Variants in DMD observed in about 807,000 individuals in gnomAD.
DMD encodes the protein dystrophin, also known as mutant dystrophin.
In DMD, 63 loss-of-function variants were observed where a neutral mutation model predicts 330.1. The observed-to-expected ratio is 0.19, with a 90% CI of 0.16 to 0.24. The LOEUF (loss-of-function observed/expected upper bound fraction) is 0.24, where lower values mean the gene tolerates loss of function less well. Among genes scored for constraint, DMD ranks in the 10% least tolerant of loss-of-function variants. DMD has a pLI of 1.00. For synonymous variants in DMD, 1,223 were observed against 959.8 expected, an observed-to-expected ratio of 1.27 and a Z score of -5.07; for missense variants, 3,344 against 2,684.1, an observed-to-expected ratio of 1.25 and a Z score of -5.43.
chrX:32,821,923 G>A (rs953152104), intron 5 of DMD, among the ~76,000 whole-genome samples: 3 of 110,715 alleles, frequency 2.7e-5, no homozygotes, highest in Non-Finnish European at 5.7e-5. Context: ...TTTAATGAAC[G>A]TGGTGGGGGG....
At chrX:32,581,261 A>C (rs2053626300) in intron 13 of DMD, among the ~76,000 whole-genome samples, 1 of 112,432 alleles carries the variant, frequency 8.9e-6, no homozygotes, top group Non-Finnish European at 1.9e-5. Context: ...TAAAATGCAT[A>C]AGATAATGTA....
intron 34 of DMD, among the ~76,000 whole-genome samples, chrX:32,366,331 T>C (rs1415726069): frequency 8.9e-6 from 1 of 111,874 alleles, no homozygotes; most frequent in Non-Finnish European, 1.9e-5. Context: ...CACAGAGAGC[T>C]GAGCCAGAGC....
chrX:32,846,723 TA>T (rs10564725), intron 3 of DMD, among the ~76,000 whole-genome samples: 27,073 of 53,348 alleles, frequency 0.51, 7,031 homozygotes, highest in East Asian at 0.7. Flanking sequence ...ACTTTAGATT[TA>T]AAAAAAAAAA....
Position 33,171,293 on chromosome X carries a change from A to C in DMD, c.31+39989T>G, listed in dbSNP as rs759129211. 5.4e-5 allele frequency among the ~76,000 whole-genome samples: 6 copies of C among 110,779 alleles called. No homozygotes were observed. The South Asian group carries it at 1.9e-3, about 35-fold the overall frequency. On this transcript the variant is annotated intron_variant, in intron 1 of 78. Transcript: ENST00000357033. Reference sequence around the variant, plus strand: ...GAAAGGGGAAGTAGTAGGGGAATCTATTTTGACCACCTCTCTGGTTTGAAA... The same window carrying C: ...GAAAGGGGAAGTAGTAGGGGAATCTCTTTTGACCACCTCTCTGGTTTGAAA...
intron 78 of DMD, among the ~76,000 whole-genome samples, chrX:31,125,312 C>T (rs1359575484): frequency 8.9e-6 from 1 of 112,049 alleles, no homozygotes; most frequent in African/African-American, 3.2e-5. Flanking sequence ...ATTTCTCCTC[C>T]CAGCCTACCA....
chrX:32,807,121 T>TAAAAAAAAAAA (rs1351302403), intron 7 of DMD, among the ~76,000 whole-genome samples: 3 of 42,356 alleles, frequency 7.1e-5, no homozygotes, highest in African/African-American at 3.0e-4. Context: ...ACGGAAACAT[T>TAAAAAAAAAAA]TAAAAAAAAA....
chrX:32,244,009 G>T (rs2097220029), intron 43 of DMD, among the ~76,000 whole-genome samples: 1 of 104,242 alleles, frequency 9.6e-6, no homozygotes, highest in African/African-American at 3.5e-5. Context: ...CATTGTGTAG[G>T]TTAGTTACAT....
chrX:31,782,483 A>T (rs2091065137), intron 50 of DMD, among the ~76,000 whole-genome samples: 1 of 110,680 alleles, frequency 9.0e-6, no homozygotes, highest in Non-Finnish European at 1.9e-5. Context: ...TGAATGCCAC[A>T]TGTGGTCATC....
At chrX:33,041,508 A>G (rs1187739174) in intron 1 of DMD, 2 of 1,206,349 alleles carry the variant, frequency 1.7e-6, no homozygotes, top group Non-Finnish European at 2.2e-6. Context: ...AAAAGATTGA[A>G]AAAATGAGAG....
At chrX:32,737,330 A>G (rs1290015170) in intron 7 of DMD, among the ~76,000 whole-genome samples, 1 of 111,465 alleles carries the variant, frequency 9.0e-6, no homozygotes, top group Non-Finnish European at 1.9e-5. Context: ...TAGTGTGAGG[A>G]AAGAAAGGAA....
chrX:31,520,841 G>A (rs1176939559), intron 55 of DMD, among the ~76,000 whole-genome samples: 7 of 110,030 alleles, frequency 6.4e-5, no homozygotes, highest in African/African-American at 1.7e-4. Flanking sequence ...CACCACGCCC[G>A]GCTAATTTTT....
chrX:32,775,733 C>A (rs1320436181), intron 7 of DMD, among the ~76,000 whole-genome samples: 2 of 113,114 alleles, frequency 1.8e-5, no homozygotes, highest in Non-Finnish European at 3.7e-5. Context: ...ATGGAAGGGG[C>A]TGGCACAAAG....
At chrX:32,686,898 T>C (rs2062924473) in intron 9 of DMD, among the ~76,000 whole-genome samples, 1 of 111,290 alleles carries the variant, frequency 9.0e-6, no homozygotes, top group African/African-American at 3.3e-5. Flanking sequence ...TTTAACAAAA[T>C]TCAGGATATC....
intron 7 of DMD, among the ~76,000 whole-genome samples, chrX:32,722,347 T>C (rs1022615388): frequency 2.7e-5 from 3 of 111,151 alleles, no homozygotes; most frequent in Non-Finnish European, 5.7e-5. Flanking sequence ...CAACTATTTC[T>C]ATAGCATTTA....
intron 52 of DMD, among the ~76,000 whole-genome samples, chrX:31,679,962 G>A (rs767490358): frequency 8.9e-6 from 1 of 112,309 alleles, no homozygotes; most frequent in South Asian, 3.7e-4. Flanking sequence ...ATTGCCTGAA[G>A]GCTTTCTGTT....
intron 48 of DMD, among the ~76,000 whole-genome samples, chrX:31,864,576 G>A (rs1465657987): frequency 4.2e-5 from 4 of 95,089 alleles, no homozygotes; most frequent in African/African-American, 8.2e-5. Flanking sequence ...TGCAACCTCC[G>A]CCTCCTGGGT....
intron 44 of DMD, among the ~76,000 whole-genome samples, chrX:32,116,628 T>C (rs2096612042): frequency 8.9e-6 from 1 of 112,300 alleles, no homozygotes; most frequent in Non-Finnish European, 1.9e-5. Context: ...ACTCCCCCTA[T>C]CTGCCTAAAA....
At chrX:32,395,726 T>C (rs1487523463) in intron 30 of DMD, among the ~76,000 whole-genome samples, 1 of 111,072 alleles carries the variant, frequency 9.0e-6, no homozygotes, top group Non-Finnish European at 1.9e-5. Flanking sequence ...AATAAGAATA[T>C]AGGATCTTAT....
At chrX:31,184,233 G>A (rs1454485044) in intron 67 of DMD, among the ~76,000 whole-genome samples, 3 of 112,116 alleles carry the variant, frequency 2.7e-5, no homozygotes, top group Non-Finnish European at 5.6e-5. Context: ...TTGATTGAAA[G>A]GTTTTGGGGT....
Sources: gnomAD v4.1 joint callset for allele counts (sites outside exome capture counted in the v4.1 genomes callset) on GRCh38, gnomAD v4.1.1 for gene constraint, MANE v1.5 for transcripts, NCBI Gene and HGNC (gene_info 2026-07-23, HGNC 2026-07-21) for gene names.